Variants in EML6 observed in about 807,000 individuals in gnomAD.
The protein encoded by EML6 is EMAP like 6, also known as echinoderm microtubule-associated protein-like 6.
In EML6, 154 loss-of-function variants were observed where a neutral mutation model predicts 240.1. That is an observed-to-expected ratio of 0.64 (90% confidence interval 0.56 to 0.73). The LOEUF is 0.73. Ranked by LOEUF, EML6 falls within the 30% of genes least tolerant of loss-of-function variation. The probability of loss-of-function intolerance (pLI) is 0.00; values close to 1 mark genes in which losing one functional copy is unlikely to be tolerated. For synonymous variants in EML6, 1,148 were observed against 899.0 expected (o/e 1.28, Z -4.95); for missense variants, 2,964 against 2,474.6 (o/e 1.20, Z -4.20).
At chr2:54,770,874 G>T (rs1668375493) in intron 2 of EML6, among the ~76,000 whole-genome samples, 1 of 151,968 alleles carries the variant, frequency 6.6e-6, no homozygotes, top group Non-Finnish European at 1.5e-5. Flanking sequence ...GTGTTGAATT[G>T]CCCCAGGGCC....
intron 26 of EML6, among the ~76,000 whole-genome samples, chr2:54,918,021 C>G (rs1218887375): frequency 6.6e-6 from 1 of 152,178 alleles, no homozygotes. Flanking sequence ...GGCTGCCACA[C>G]TACAAAATTG....
chr2:54,833,837 A>G (rs181240136), intron 7 of EML6, among the ~76,000 whole-genome samples: 29 of 152,354 alleles, frequency 1.9e-4, no homozygotes, highest in African/African-American at 7.0e-4. Context: ...TTCATCTGCA[A>G]TTCTCAAAGC....
chr2:54,850,780 T>C (rs565430306), intron 10 of EML6, among the ~76,000 whole-genome samples: 2 of 152,302 alleles, frequency 1.3e-5, no homozygotes, highest in South Asian at 4.2e-4. Context: ...ACAAGGATGT[T>C]TGTGACACAA....
chr2:54,915,985 T>G (rs1282237791), intron 25 of EML6, among the ~76,000 whole-genome samples: 1 of 152,216 alleles, frequency 6.6e-6, no homozygotes, highest in African/African-American at 2.4e-5. Context: ...AAAACCTCAG[T>G]CTTATCAGGA....
At chr2:54,804,514 C>G (rs769159954) in intron 2 of EML6, among the ~76,000 whole-genome samples, 3 of 152,206 alleles carry the variant, frequency 2.0e-5, no homozygotes, top group Non-Finnish European at 4.4e-5. Flanking sequence ...CTGGTGAGAA[C>G]CTCTGCGAGT....
At position 54,970,269 on chromosome 2, in the gene EML6, T is replaced by C; in HGVS notation, c.*174T>C. ...ACAACTGCTCCCATAATCTGGACTC[T>C]CCAAAACCGTGATGCCACGAAGGAA... On this transcript the variant is annotated 3_prime_UTR_variant, in exon 42 of 42. Coordinates refer to ENST00000356458, the MANE Select transcript of EML6 (RefSeq NM_001039753.4). 2 of 657,018 alleles carry C rather than the reference T, an allele frequency of 3.0e-6. No individual in the cohort carries two copies. Among genetic ancestry groups the C allele is most frequent in the East Asian group, 2.7e-5 (1 of 36,428 alleles). 40.7% of individuals were successfully genotyped at this position (657,018 alleles called of 1,614,324 possible).
intron 6 of EML6, among the ~76,000 whole-genome samples, chr2:54,828,601 G>A (rs1668711351): frequency 6.6e-6 from 1 of 152,176 alleles, no homozygotes; most frequent in South Asian, 2.1e-4. Flanking sequence ...TGTTGCAGGT[G>A]AATTTTCTTG....
At chr2:54,740,318 G>T (rs1683574384) in intron 2 of EML6, among the ~76,000 whole-genome samples, 1 of 152,142 alleles carries the variant, frequency 6.6e-6, no homozygotes. Context: ...AGATGGGAAT[G>T]GTCACAGGGG....
chr2:54,937,786 A>G (rs1376192455), intron 28 of EML6, among the ~76,000 whole-genome samples: 2 of 152,136 alleles, frequency 1.3e-5, no homozygotes, highest in East Asian at 3.9e-4. Flanking sequence ...GTTTCAAGCA[A>G]CAGTGTTTTT....
chr2:54,771,783 C>T (rs1242317129), intron 2 of EML6, among the ~76,000 whole-genome samples: 1 of 152,240 alleles, frequency 6.6e-6, no homozygotes, highest in Non-Finnish European at 1.5e-5. Flanking sequence ...ATACACTGGG[C>T]AGCAAAACTG....
chr2:54,867,581 T>G (rs1322785622), intron 14 of EML6: 3 of 152,138 alleles, frequency 2.0e-5, no homozygotes, highest in Non-Finnish European at 4.4e-5. Flanking sequence ...TGGTGAAATC[T>G]CATCTCTACA....
chr2:54,958,497 T>A (rs1388458635), intron 33 of EML6, among the ~76,000 whole-genome samples: 6 of 151,622 alleles, frequency 4.0e-5, no homozygotes, highest in African/African-American at 1.5e-4. Context: ...TGGCCAATAT[T>A]TTTTTTTTCT....
At chr2:54,909,942 A>G (rs1673551946) in intron 24 of EML6, among the ~76,000 whole-genome samples, 1 of 152,112 alleles carries the variant, frequency 6.6e-6, no homozygotes. Context: ...TCTAAACCAA[A>G]AAGTTCTTAT....
chr2:54,854,475 A>T (rs1670264042), intron 11 of EML6, among the ~76,000 whole-genome samples: 1 of 152,234 alleles, frequency 6.6e-6, no homozygotes, highest in Non-Finnish European at 1.5e-5. Flanking sequence ...TAACCATGTA[A>T]TGACCTCTTC....
At chr2:54,879,758 G>A in intron 17 of EML6, 118 bp downstream of exon 17, 1 of 682,142 alleles carries the variant, frequency 1.5e-6, no homozygotes, top group Non-Finnish European at 2.5e-6. Context: ...GACGTAGAAG[G>A]CTTAGCACCT....
At chr2:54,837,847 T>C (rs1669235782) in intron 7 of EML6, among the ~76,000 whole-genome samples, 1 of 152,218 alleles carries the variant, frequency 6.6e-6, no homozygotes, top group African/African-American at 2.4e-5. Flanking sequence ...TTAAATGCTC[T>C]CTCTGTAGAT....
At position 54,883,463 on chromosome 2, in the gene EML6, T is replaced by G. The variant is rs181330467; in HGVS notation, c.2438+3823T>G. Reference sequence around the variant, plus strand: ...GGGAGAACAAAATTACACACAGGACTGGGCCTCTATGCAAACAGAGTTCTG... The same window carrying G: ...GGGAGAACAAAATTACACACAGGACGGGGCCTCTATGCAAACAGAGTTCTG... On this transcript the variant is annotated intron_variant, in intron 17 of 41. Transcript: ENST00000356458. Among the ~76,000 whole-genome samples the G allele has an allele frequency of 1.2e-3, 185 of 152,346 alleles. 2 individuals are homozygous for G. The East Asian group carries it at 0.024, about 20-fold the overall frequency.
At chr2:54,827,032 G>C (rs1362524169) in intron 5 of EML6, among the ~76,000 whole-genome samples, 1 of 152,098 alleles carries the variant, frequency 6.6e-6, no homozygotes, top group African/African-American at 2.4e-5. Context: ...AATTAGCTGA[G>C]CTTGGTGGTG....
Position 54,960,280 on chromosome 2 carries a change from T to A in EML6, c.4914T>A (p.Phe1638Leu). Residue 1638 changes from phenylalanine (F) to leucine (L), a missense_variant, in exon 35 of 42, where the codon TTT (phenylalanine) becomes TTA (leucine). Coordinates refer to ENST00000356458, the MANE Select transcript of EML6 (RefSeq NM_001039753.4). ...WDQEMKRCRAFQLETGQLVEC... is the reference protein window; with the variant it reads ...WDQEMKRCRALQLETGQLVEC... Reference sequence around the variant, plus strand: ...AGGAGATGAAGCGCTGCCGGGCCTTTCAGCTGGAGACCGGGCAGCTGGTGG... The same window carrying A: ...AGGAGATGAAGCGCTGCCGGGCCTTACAGCTGGAGACCGGGCAGCTGGTGG... The A allele has an allele frequency of 6.4e-7, 1 of 1,551,544 alleles. No homozygotes were observed. The highest frequency in any genetic ancestry group is 8.7e-7 in the Non-Finnish European group (1 of 1,146,946).
Sources: allele counts gnomAD v4.1 joint callset (sites outside exome capture counted in the v4.1 genomes callset), GRCh38; gene constraint gnomAD v4.1.1; transcripts MANE v1.5; gene names NCBI Gene and HGNC (gene_info 2026-07-23, HGNC 2026-07-21).